Variants in BICRAL observed in about 807,000 individuals in gnomAD.
BICRAL encodes the protein BICRA like chromatin remodeling complex associated protein, also known as BRD4-interacting chromatin-remodeling complex-associated protein-like.
A neutral mutation model predicts 91.8 loss-of-function variants in BICRAL; 8 were observed. That is an observed-to-expected ratio of 0.09 (90% CI 0.05 to 0.16). The LOEUF (loss-of-function observed/expected upper bound fraction) is 0.16. Ranked by LOEUF, BICRAL falls within the 10% of genes least tolerant of loss-of-function variation. The probability of loss-of-function intolerance (pLI) is 1.00; values close to 1 mark genes in which losing one functional copy is unlikely to be tolerated. For missense variants in BICRAL, 1,038 were observed against 1,310.9 expected, an observed-to-expected ratio of 0.79 and a Z score of 3.21; for synonymous variants, 445 against 491.1, an observed-to-expected ratio of 0.91 and a Z score of 1.24.
At chr6:42,845,742 T>A (rs1169699340) in intron 6 of BICRAL, among the ~76,000 whole-genome samples, 1 of 151,868 alleles carries the variant, frequency 6.6e-6, no homozygotes, top group African/African-American at 2.4e-5. Context: ...TAACAATACA[T>A]CAGAATCAAC....
chr6:42,863,980 A>G (rs940688442), intron 12 of BICRAL, among the ~76,000 whole-genome samples: 1 of 152,148 alleles, frequency 6.6e-6, no homozygotes, highest in African/African-American at 2.4e-5. Flanking sequence ...CCTGACCAAC[A>G]TGGCGAAACC....
At chr6:42,751,751 G>A (rs933042076) in intron 1 of BICRAL, among the ~76,000 whole-genome samples, 3 of 146,990 alleles carry the variant, frequency 2.0e-5, no homozygotes, top group South Asian at 4.2e-4. Flanking sequence ...CCCGCCTCCT[G>A]GGTTCAAGCG....
chr6:42,826,434 C>G (rs1011486978), intron 5 of BICRAL, among the ~76,000 whole-genome samples: 1 of 151,792 alleles, frequency 6.6e-6, no homozygotes, highest in African/African-American at 2.4e-5. Context: ...GAGGTTTCAC[C>G]CAGTTGGCCA....
At chr6:42,847,118 C>T (rs774330878) in intron 6 of BICRAL, among the ~76,000 whole-genome samples, 2 of 152,094 alleles carry the variant, frequency 1.3e-5, no homozygotes, top group East Asian at 3.9e-4. Context: ...GGTACAGTGG[C>T]GCATGCCTAT....
intron 5 of BICRAL, among the ~76,000 whole-genome samples, chr6:42,823,775 A>T (rs987882171): frequency 4.0e-5 from 6 of 151,836 alleles, no homozygotes; most frequent in African/African-American, 7.3e-5. Flanking sequence ...TACAAAAAAA[A>T]ATTGCCAGGC....
chr6:42,833,547 A>G (rs1764559453), intron 6 of BICRAL, among the ~76,000 whole-genome samples: 1 of 151,852 alleles, frequency 6.6e-6, no homozygotes, highest in South Asian at 2.1e-4. Context: ...TCCTGGGTTC[A>G]AGCAATTCTC....
chr6:42,809,031 T>C (rs1385744097), intron 1 of BICRAL, among the ~76,000 whole-genome samples: 2 of 152,050 alleles, frequency 1.3e-5, no homozygotes, highest in Non-Finnish European at 2.9e-5. Context: ...CTGGATTGCT[T>C]AGTATGTTAG....
intron 12 of BICRAL, 134 bp downstream of exon 12, chr6:42,862,746 G>A (rs10456518): frequency 0.22 from 139,452 of 624,662 alleles, 17,064 homozygotes; most frequent in Middle Eastern, 0.28. Flanking sequence ...AGCTGGGCAC[G>A]GTGGCTCACA....
intron 7 of BICRAL, among the ~76,000 whole-genome samples, chr6:42,852,661 C>CAA (rs70990155): frequency 0.017 from 1,131 of 65,864 alleles, 26 homozygotes; most frequent in African/African-American, 0.048. Flanking sequence ...GACTCTGTCT[C>CAA]AAAAAAAAAA....
In BICRAL at chr6:42,845,248, T is replaced by TTTTTA. The variant is rs761742281; in HGVS notation, c.1840-6844_1840-6843insTTTTA. Among the ~76,000 whole-genome samples the TTTTTA allele has an allele frequency of 1.1e-4, 12 of 105,398 alleles. 1 individual carries two copies. Among genetic ancestry groups the TTTTTA allele is most frequent in the Non-Finnish European group, 1.5e-4 (8 of 54,610 alleles). The allele number at this position is 105,398 out of a possible 152,430, so 69.1% of individuals were successfully genotyped here. A position where few individuals can be genotyped will look rare whatever the true frequency, so the allele number is the denominator to read the frequency against. Reference sequence around the variant, plus strand: ...TTTTTTTTTTTTTTTTTTTTTTTTTTAGACAGAGTTTCAGTCGTCACCCAG... The same window carrying TTTTTA: ...TTTTTTTTTTTTTTTTTTTTTTTTTTTTTTAAGACAGAGTTTCAGTCGTCACCCAG... On this transcript the variant is annotated intron_variant, in intron 6 of 12. Coordinates refer to ENST00000314073, the MANE Select transcript of BICRAL (RefSeq NM_001393499.1).
chr6:42,858,112 A>T (rs1765443674), intron 10 of BICRAL, among the ~76,000 whole-genome samples: 1 of 151,238 alleles, frequency 6.6e-6, no homozygotes, highest in South Asian at 2.1e-4. Context: ...CTCCTGGCCA[A>T]ACTGTTTCTA....
intron 8 of BICRAL, among the ~76,000 whole-genome samples, chr6:42,854,603 G>A (rs771576000): frequency 9.9e-5 from 15 of 152,036 alleles, no homozygotes; most frequent in Non-Finnish European, 1.5e-4. Context: ...CTGAAGCCTC[G>A]ATCACCTGGG....
At chr6:42,779,227 C>A (rs1176471077), upstream of BICRAL, among the ~76,000 whole-genome samples, 2 of 16,898 alleles carry the variant, frequency 1.2e-4, no homozygotes, top group Non-Finnish European at 2.1e-4. Flanking sequence ...AAGAAAAACA[C>A]ACACACACAC....
At chr6:42,845,971 T>C (rs1219880282) in intron 6 of BICRAL, among the ~76,000 whole-genome samples, 4 of 140,350 alleles carry the variant, frequency 2.9e-5, no homozygotes, top group Non-Finnish European at 4.5e-5. Flanking sequence ...ATCGGGAGGC[T>C]GAGGCAGGAG....
intron 5 of BICRAL, among the ~76,000 whole-genome samples, chr6:42,826,784 T>A (rs754507958): frequency 6.7e-6 from 1 of 149,672 alleles, no homozygotes; most frequent in African/African-American, 2.5e-5. Flanking sequence ...AATTTCCTCT[T>A]GTTTGTTTGT....
upstream of BICRAL, among the ~76,000 whole-genome samples, chr6:42,781,462 T>C (rs1410139489): frequency 6.6e-6 from 1 of 152,084 alleles, no homozygotes. Flanking sequence ...TCGTTTTGGT[T>C]TTTAAAAAGC....
At chr6:42,861,260 C>T (rs1765549766) in intron 11 of BICRAL, among the ~76,000 whole-genome samples, 1 of 152,060 alleles carries the variant, frequency 6.6e-6, no homozygotes, top group Admixed American at 6.6e-5. Context: ...TGCAGTGAGC[C>T]GAGATCGCAC....
At chr6:42,758,444 CTG>C (rs964108227) in intron 1 of BICRAL, among the ~76,000 whole-genome samples, 39 of 152,352 alleles carry the variant, frequency 2.6e-4, no homozygotes, top group African/African-American at 9.1e-4. Context: ...ACCCAGCACA[CTG>C]TGTCTGTTCA....
At chr6:42,857,272 AC>A in intron 10 of BICRAL, 36 bp downstream of exon 10, 1 of 1,569,280 alleles carries the variant, frequency 6.4e-7, no homozygotes, top group Non-Finnish European at 8.7e-7. Context: ...CCACTCTGAT[AC>A]CAGGAAACCC....
Sources: allele counts gnomAD v4.1 joint callset (sites outside exome capture counted in the v4.1 genomes callset), GRCh38; gene constraint gnomAD v4.1.1; transcripts MANE v1.5; gene names NCBI Gene and HGNC (gene_info 2026-07-23, HGNC 2026-07-21).